The following ULK4 variants were observed in gnomAD, a reference collection of about 807,000 sequenced individuals.
ULK4 encodes the protein inactive serine/threonine-protein kinase ULK4.
A neutral mutation model predicts 160.6 loss-of-function variants in ULK4; 133 were observed. The ratio of observed to expected loss-of-function variants is 0.83; its 90% confidence interval spans 0.72 to 0.96. The LOEUF (loss-of-function observed/expected upper bound fraction) is 0.96. ULK4 is among the 40% of genes least tolerant of loss of function. The pLI, the probability that ULK4 is intolerant of heterozygous loss-of-function variation, is 0.00. For missense variants in ULK4, 1,580 were observed against 1,499.5 expected, an observed-to-expected ratio of 1.05 and a Z score of -0.89; for synonymous variants, 534 against 539.8, an observed-to-expected ratio of 0.99 and a Z score of 0.15.
chr3:41,386,839 C>T (rs1019361893), intron 35 of ULK4, among the ~76,000 whole-genome samples: 7 of 152,122 alleles, frequency 4.6e-5, no homozygotes, highest in African/African-American at 1.7e-4. Context: ...CTTAAGAAAG[C>T]TTTCTCTGTC....
At chr3:41,949,714 T>C (rs1248084378) in intron 2 of ULK4, among the ~76,000 whole-genome samples, 3 of 151,554 alleles carry the variant, frequency 2.0e-5, no homozygotes, top group African/African-American at 7.3e-5. Context: ...GGATTACAAG[T>C]GTGAGCCACC....
chr3:41,917,817 T>G (rs928710594), intron 7 of ULK4, among the ~76,000 whole-genome samples: 2 of 151,696 alleles, frequency 1.3e-5, no homozygotes, highest in Non-Finnish European at 2.9e-5. Context: ...CCGTCTCTAA[T>G]AAAAAACAAA....
intron 32 of ULK4, among the ~76,000 whole-genome samples, chr3:41,544,817 C>G (rs1629284): frequency 0.93 from 141,539 of 152,130 alleles, 66,337 homozygotes; most frequent in African/African-American, 0.96. Context: ...AATTTTTAGT[C>G]GGGGGTTCCA....
intron 21 of ULK4, among the ~76,000 whole-genome samples, chr3:41,763,225 AAAG>A (rs1422111396): frequency 6.6e-6 from 1 of 152,224 alleles, no homozygotes. Flanking sequence ...ACCCATAATA[AAAG>A]AATAAAAATA....
chr3:41,723,951 C>T (rs1299103224), intron 22 of ULK4, among the ~76,000 whole-genome samples: 2 of 152,166 alleles, frequency 1.3e-5, no homozygotes, highest in Non-Finnish European at 2.9e-5. Context: ...CAGAGACATT[C>T]ATGCTAAAGT....
intron 17 of ULK4, among the ~76,000 whole-genome samples, chr3:41,872,772 G>A (rs544817251): frequency 1.3e-4 from 20 of 150,938 alleles, no homozygotes; most frequent in African/African-American, 4.4e-4. Context: ...TTCACACCCC[G>A]ATACATGAAT....
At chr3:41,426,206 T>C (rs1377937475) in intron 34 of ULK4, among the ~76,000 whole-genome samples, 1 of 151,958 alleles carries the variant, frequency 6.6e-6, no homozygotes, top group African/African-American at 2.4e-5. Context: ...ATGGTAAAGG[T>C]CAATTCAACA....
intron 34 of ULK4, among the ~76,000 whole-genome samples, chr3:41,419,920 G>C (rs1273097738): frequency 6.6e-6 from 1 of 151,840 alleles, no homozygotes; most frequent in Non-Finnish European, 1.5e-5. Context: ...CCCTCACAGG[G>C]TGTTTTGGCA....
At chr3:41,596,098 C>T (rs1344558063) in intron 31 of ULK4, among the ~76,000 whole-genome samples, 2 of 152,054 alleles carry the variant, frequency 1.3e-5, no homozygotes, top group Non-Finnish European at 1.5e-5. Flanking sequence ...GTCATTACAT[C>T]GGGGGGATGA....
intron 25 of ULK4, among the ~76,000 whole-genome samples, chr3:41,709,587 A>C (rs186090518): frequency 6.6e-6 from 1 of 152,218 alleles, no homozygotes; most frequent in East Asian, 1.9e-4. Flanking sequence ...GGGTTTCACC[A>C]TGTTGGCCAG....
At chr3:41,721,850 T>C (rs1346379423) in intron 22 of ULK4, among the ~76,000 whole-genome samples, 1 of 152,200 alleles carries the variant, frequency 6.6e-6, no homozygotes, top group East Asian at 1.9e-4. Context: ...AGGCTGACTT[T>C]ACAAAAGAAG....
chr3:41,830,307 T>G (rs1474632416), intron 18 of ULK4, among the ~76,000 whole-genome samples: 1 of 151,888 alleles, frequency 6.6e-6, no homozygotes, highest in Non-Finnish European at 1.5e-5. Context: ...TTAAAAAAGG[T>G]ATATACCAAG....
chr3:41,610,308 T>C (rs1430978195), intron 31 of ULK4, among the ~76,000 whole-genome samples: 1 of 152,136 alleles, frequency 6.6e-6, no homozygotes, highest in East Asian at 1.9e-4. Flanking sequence ...GCCCAGCCAA[T>C]ATATACATTT....
At chr3:41,869,143 G>GT (rs1314001734) in intron 17 of ULK4, 1 of 151,374 alleles carries the variant, frequency 6.6e-6, no homozygotes, top group Non-Finnish European at 1.5e-5. Context: ...AATTACTCTT[G>GT]TTTTTCAGGG....
At chr3:41,859,333 A>G in intron 17 of ULK4, 1 of 594,728 alleles carries the variant, frequency 1.7e-6, no homozygotes, top group Admixed American at 1.9e-5. Flanking sequence ...TGAGCACTGT[A>G]GAGCACATCT....
At chr3:41,829,069 G>A (rs1260160663) in intron 18 of ULK4, among the ~76,000 whole-genome samples, 2 of 151,152 alleles carry the variant, frequency 1.3e-5, no homozygotes, top group South Asian at 2.1e-4. Flanking sequence ...TTAATAAATG[G>A]TGCTGGGAAA....
chr3:41,466,390 TAC>T (rs1245604492), intron 32 of ULK4, among the ~76,000 whole-genome samples: 2 of 152,090 alleles, frequency 1.3e-5, no homozygotes, highest in South Asian at 4.1e-4. Flanking sequence ...GACCCACAAT[TAC>T]ACAGTCAGGA....
chr3:41,426,637 G>A (rs371224004), intron 34 of ULK4, among the ~76,000 whole-genome samples: 122 of 152,132 alleles, frequency 8.0e-4, no homozygotes, highest in African/African-American at 2.8e-3. Flanking sequence ...CAACTACATA[G>A]AAATCGAACA....
chr3:41,463,520 C>A (rs938812563), intron 32 of ULK4, among the ~76,000 whole-genome samples: 2 of 152,182 alleles, frequency 1.3e-5, no homozygotes, highest in African/African-American at 4.8e-5. Flanking sequence ...TGAGAAACAC[C>A]ATCCTACATG....
Sources: allele counts gnomAD v4.1 joint callset (sites outside exome capture counted in the v4.1 genomes callset), GRCh38; gene constraint gnomAD v4.1.1; transcripts MANE v1.5; gene names NCBI Gene and HGNC (gene_info 2026-07-23, HGNC 2026-07-21).